Variants in FGF7 observed in about 807,000 individuals in gnomAD.
FGF7 encodes the protein fibroblast growth factor 7.
FGF7 carries 6 observed loss-of-function variants against 20.5 expected under a neutral mutation model. The observed-to-expected ratio is 0.29, with a 90% CI of 0.16 to 0.58. The LOEUF is 0.58. Ranked by LOEUF, FGF7 falls within the 20% of genes least tolerant of loss-of-function variation. The probability of loss-of-function intolerance (pLI) is 0.90; values close to 1 mark genes in which losing one functional copy is unlikely to be tolerated. For missense variants in FGF7, 144 were observed against 228.8 expected (o/e 0.63, Z 2.39); for synonymous variants, 64 against 74.7 (o/e 0.86, Z 0.74).
At chr15:49,467,047 C>T (rs902005963) in intron 2 of FGF7, among the ~76,000 whole-genome samples, 4 of 152,040 alleles carry the variant, frequency 2.6e-5, no homozygotes, top group African/African-American at 9.7e-5. Flanking sequence ...TATCTTATGC[C>T]TGGGTAGCAG....
chr15:49,439,430 G>C (rs568234290), intron 2 of FGF7, among the ~76,000 whole-genome samples: 1 of 151,622 alleles, frequency 6.6e-6, no homozygotes, highest in Non-Finnish European at 1.5e-5. Flanking sequence ...AGTAAAACGT[G>C]GGGGGAGGGA....
intron 2 of FGF7, among the ~76,000 whole-genome samples, chr15:49,439,178 G>A (rs1404910573): frequency 1.3e-5 from 2 of 151,456 alleles, no homozygotes; most frequent in African/African-American, 4.8e-5. Context: ...GCTGTTGGCC[G>A]GCAACTTCCT....
intron 2 of FGF7, among the ~76,000 whole-genome samples, chr15:49,480,037 G>A (rs2055782260): frequency 6.6e-6 from 1 of 152,134 alleles, no homozygotes; most frequent in South Asian, 2.1e-4. Flanking sequence ...AATAAAAGAG[G>A]GTTGTAGGAC....
intron 2 of FGF7, among the ~76,000 whole-genome samples, chr15:49,437,667 C>T (rs1022762461): frequency 2.0e-5 from 3 of 151,584 alleles, no homozygotes; most frequent in Non-Finnish European, 4.4e-5. Context: ...CTGAAAGTTG[C>T]AGTGGCTCTT....
intron 2 of FGF7, among the ~76,000 whole-genome samples, chr15:49,476,585 G>T (rs1251925593): frequency 1.4e-5 from 2 of 140,526 alleles, no homozygotes; most frequent in Admixed American, 1.5e-4. Context: ...CATTACCAAA[G>T]ACATTTTTAA....
chr15:49,439,469 T>C (rs937135722), intron 2 of FGF7, among the ~76,000 whole-genome samples: 4 of 151,770 alleles, frequency 2.6e-5, no homozygotes, highest in African/African-American at 9.7e-5. Context: ...TAGTGAATAC[T>C]AAGTGTTAGG....
intron 2 of FGF7, among the ~76,000 whole-genome samples, chr15:49,477,547 T>C (rs1368988726): frequency 1.3e-5 from 2 of 152,258 alleles, no homozygotes; most frequent in Non-Finnish European, 2.9e-5. Flanking sequence ...TATTCCAGTG[T>C]ATACGTGTAC....
At chr15:49,478,711 T>C (rs1401335661) in intron 2 of FGF7, among the ~76,000 whole-genome samples, 2 of 152,148 alleles carry the variant, frequency 1.3e-5, no homozygotes, top group Non-Finnish European at 2.9e-5. Flanking sequence ...AGCACAGCCA[T>C]ATTAATATAT....
intron 2 of FGF7, among the ~76,000 whole-genome samples, chr15:49,477,961 T>A (rs1333068498): frequency 6.6e-6 from 1 of 152,202 alleles, no homozygotes; most frequent in Non-Finnish European, 1.5e-5. Context: ...GGGGTACATG[T>A]GCAGGTCTGT....
At chr15:49,461,323 C>T (rs909894950) in intron 2 of FGF7, among the ~76,000 whole-genome samples, 1 of 152,166 alleles carries the variant, frequency 6.6e-6, no homozygotes, top group Non-Finnish European at 1.5e-5. Flanking sequence ...AAAATCCATG[C>T]ACAATGTTAG....
At chr15:49,464,323 A>G (rs1454873733) in intron 2 of FGF7, among the ~76,000 whole-genome samples, 1 of 152,212 alleles carries the variant, frequency 6.6e-6, no homozygotes, top group East Asian at 1.9e-4. Flanking sequence ...AAAGAGAAAC[A>G]GAAAAGGAAT....
At chr15:49,448,393 A>G (rs2052414783) in intron 2 of FGF7, among the ~76,000 whole-genome samples, 1 of 151,272 alleles carries the variant, frequency 6.6e-6, no homozygotes, top group African/African-American at 2.4e-5. Flanking sequence ...TCTTTGCTTT[A>G]ACTAACCACA....
chr15:49,429,236 A>G (rs2050385188), intron 2 of FGF7, among the ~76,000 whole-genome samples: 1 of 152,032 alleles, frequency 6.6e-6, no homozygotes, highest in Admixed American at 6.6e-5. Context: ...TAGACAAGGT[A>G]GAATCTTGTA....
intron 2 of FGF7, among the ~76,000 whole-genome samples, chr15:49,468,398 TGTG>T (rs2054452214): frequency 6.6e-6 from 1 of 152,174 alleles, no homozygotes; most frequent in Admixed American, 6.5e-5. Flanking sequence ...TTTATCTACT[TGTG>T]TTTCTTTCTT....
intron 2 of FGF7, among the ~76,000 whole-genome samples, chr15:49,443,938 T>C (rs376238785): frequency 5.6e-4 from 85 of 151,852 alleles, no homozygotes; most frequent in African/African-American, 2.0e-3. Context: ...TTGTTAAACA[T>C]TTACATCATG....
intron 2 of FGF7, among the ~76,000 whole-genome samples, chr15:49,440,001 A>G (rs1183723896): frequency 6.6e-6 from 1 of 151,768 alleles, no homozygotes; most frequent in African/African-American, 2.4e-5. Context: ...CACATTATCA[A>G]AAGTATCTGT....
At chr15:49,447,420 T>C (rs552637214) in intron 2 of FGF7, among the ~76,000 whole-genome samples, 1 of 151,764 alleles carries the variant, frequency 6.6e-6, no homozygotes, top group East Asian at 1.9e-4. Context: ...ATTTGGAACA[T>C]ATGTTTCTAG....
intron 2 of FGF7, among the ~76,000 whole-genome samples, chr15:49,457,759 TA>T (rs2053442734): frequency 6.6e-6 from 1 of 151,884 alleles, no homozygotes; most frequent in South Asian, 2.1e-4. Flanking sequence ...TTAGTATATT[TA>T]AAATTAAAAG....
intron 2 of FGF7, among the ~76,000 whole-genome samples, chr15:49,462,607 T>C (rs2053905469): frequency 6.6e-6 from 1 of 152,160 alleles, no homozygotes; most frequent in Non-Finnish European, 1.5e-5. Flanking sequence ...AGTAGGGAGG[T>C]AAGGGTAGGC....
Sources: allele counts gnomAD v4.1 joint callset (sites outside exome capture counted in the v4.1 genomes callset), GRCh38; gene constraint gnomAD v4.1.1; transcripts MANE v1.5; gene names NCBI Gene and HGNC (gene_info 2026-07-23, HGNC 2026-07-21).